RPE: variants seen among roughly 807,000 people sequenced by gnomAD.
The protein encoded by RPE is ribulose-5-phosphate-3-epimerase.
Under a neutral mutation model 24.6 loss-of-function variants are expected in RPE, and 16 were observed. The observed-to-expected ratio is 0.65, with a 90% CI of 0.44 to 0.99. The LOEUF (loss-of-function observed/expected upper bound fraction) is 0.99. Ranked by LOEUF, RPE falls within the 50% of genes least tolerant of loss-of-function variation. The pLI is 0.00. For missense variants in RPE, 240 were observed against 294.5 expected, an observed-to-expected ratio of 0.81 and a Z score of 1.35; for synonymous variants, 93 against 98.4, an observed-to-expected ratio of 0.94 and a Z score of 0.33.
rs2093838473 is a variant in RPE, at chr2:210,020,130, A to AT, written c.*343dup. ...CATATTAGCTACACTACAAAAACAA[A>AT]TTTTGTCTGTACTTCTGAAAAGAAT... On this transcript the variant is annotated 3_prime_UTR_variant, in exon 6 of 6. Transcript: ENST00000359429. 1 of 176,018 alleles carries AT rather than the reference A, an allele frequency of 5.7e-6. No individual in the cohort carries two copies. The highest frequency in any genetic ancestry group is 1.3e-5 in the Non-Finnish European group (1 of 74,504). The allele number at this position is 176,018 out of a possible 1,614,324, so 10.9% of individuals were successfully genotyped here.
In RPE at chr2:210,020,484, T is replaced by G. The variant is rs775587368; in HGVS notation, c.*693T>G. ...GAAAGGAAAAAGTAAAACCTCTGTT[T>G]GGAGGTAATATTGGGTTGAATTCTG... On this transcript the variant is annotated 3_prime_UTR_variant, in exon 6 of 6. Coordinates refer to ENST00000359429, the MANE Select transcript of RPE (RefSeq NM_199229.3). 1.2e-5 allele frequency: 2 copies of G among 166,932 alleles called. No individual in the cohort carries two copies. The highest frequency in any genetic ancestry group is 2.9e-5 in the Non-Finnish European group (2 of 68,088). 10.3% of individuals were successfully genotyped at this position (166,932 alleles called of 1,614,324 possible).
chr2:210,004,864 C>T (rs1237297163), intron 1 of RPE, among the ~76,000 whole-genome samples: 1 of 152,094 alleles, frequency 6.6e-6, no homozygotes, highest in East Asian at 1.9e-4. Context: ...TACCATGGAT[C>T]AGAGTTTTGG....
Position 210,020,992 on chromosome 2 carries a change from AG to A in RPE, c.*1202del, listed in dbSNP as rs1172844515. On this transcript the variant is annotated 3_prime_UTR_variant, in exon 6 of 6. Transcript: ENST00000359429. ...TCTAATTTTACGCTGTAGCAGAACC[AG>A]ATGGCTGAGAAAATTCTGGAACTAT... The A allele has an allele frequency of 6.6e-6, 1 of 152,270 alleles. No homozygotes were observed. The highest frequency in any genetic ancestry group is 1.9e-4 in the East Asian group (1 of 5,188). 9.4% of individuals were successfully genotyped at this position (152,270 alleles called of 1,614,324 possible). A position where few individuals can be genotyped will look rare whatever the true frequency, so the allele number is the denominator to read the frequency against.
chr2:210,017,520 T>A lies in RPE; in HGVS notation c.525T>A (p.Asp175Glu). The A allele has an allele frequency of 6.2e-7, 1 of 1,608,866 alleles. No individual in the cohort carries two copies. The stretch of plus-strand genomic sequence containing the variant: ...TCCCATCTTTGGATATAGAGGTCGA[T>A]GGTGGAGTAGGTCCTGACACTGTCC... ...TQFPSLDIEV[D>E]GGVGPDTVHK... The change falls in exon 5 of 6, where the codon GAT becomes GAA. Residue 175 changes from aspartate (D) to glutamate (E), a missense_variant. Coordinates refer to ENST00000359429, the MANE Select transcript of RPE (RefSeq NM_199229.3).
At chr2:210,018,002 C>G in intron 5 of RPE, 1 of 794,264 alleles carries the variant, frequency 1.3e-6, no homozygotes, top group Non-Finnish European at 1.9e-6. Context: ...GCCTCGGCCT[C>G]CCAAAGTGTT....
intron 2 of RPE, among the ~76,000 whole-genome samples, chr2:210,011,508 G>A (rs1375964135): frequency 2.0e-5 from 3 of 151,986 alleles, no homozygotes; most frequent in Non-Finnish European, 4.4e-5. Context: ...GCAATCCTGT[G>A]TTGCTGCCAC....
chr2:210,002,673 C>T lies in RPE; in HGVS notation c.12C>T (p.Gly4=), dbSNP rs1198060491. MAS[G]CKIGPSILNS... ...TGGGAGCCAGCGGTATGGCGTCGGG[C>T]TGCAAGATTGGCCCGTCCATCCTCA... The change falls in exon 1 of 6, where the codon GGC becomes GGT. Residue 4 remains glycine (G), a synonymous_variant. Coordinates refer to ENST00000359429, the MANE Select transcript of RPE (RefSeq NM_199229.3). The T allele has an allele frequency of 4.3e-6, 7 of 1,613,374 alleles. No individual in the cohort carries two copies. The highest frequency in any genetic ancestry group is 5.9e-6 in the Non-Finnish European group (7 of 1,179,522).
At chr2:210,016,997 C>T (rs529910002) in intron 4 of RPE, among the ~76,000 whole-genome samples, 1 of 152,230 alleles carries the variant, frequency 6.6e-6, no homozygotes, top group African/African-American at 2.4e-5. Context: ...GTGCATACCA[C>T]CATGCCCGGC....
Position 210,012,028 on chromosome 2 carries a change from T to G in RPE, c.202+2292T>G, listed in dbSNP as rs539475549. ...AAACATTTGTTTAATTCTTGGATTT[T>G]GGTTGTTGGATAATTGATACATGAA... On this transcript the variant is annotated intron_variant, in intron 2 of 5. Transcript: ENST00000359429. Among the ~76,000 whole-genome samples, 13 of 152,286 alleles carry G rather than the reference T, an allele frequency of 8.5e-5. No individual in the cohort carries two copies. In the South Asian group the frequency reaches 2.7e-3, roughly 32 times the overall value.
Position 210,017,736 on chromosome 2 carries a change from T to C in RPE, c.564+177T>C, listed in dbSNP as rs1005720761. The stretch of plus-strand genomic sequence containing the variant: ...TAAACAGCCATAAGTGGATATGCTT[T>C]TTTTTTTTTTTTTTTTTTTTCTTTT... On this transcript the variant is annotated intron_variant, in intron 5 of 5. Transcript: ENST00000359429. 2,535 of 552,096 alleles carry C rather than the reference T, an allele frequency of 4.6e-3. 14 individuals are homozygous for C. The highest frequency in any genetic ancestry group is 7.8e-3 in the East Asian group (233 of 29,896). 34.2% of individuals were successfully genotyped at this position (552,096 alleles called of 1,614,324 possible).
intron 1 of RPE, among the ~76,000 whole-genome samples, chr2:210,006,119 T>C (rs1232308078): frequency 1.3e-5 from 2 of 152,144 alleles, no homozygotes; most frequent in African/African-American, 2.4e-5. Flanking sequence ...AGGAAATAAC[T>C]TAAAGGAAAA....
At position 210,020,489 on chromosome 2, in the gene RPE, G is replaced by C. The variant is rs533919270; in HGVS notation, c.*698G>C. On this transcript the variant is annotated 3_prime_UTR_variant, in exon 6 of 6. Transcript: ENST00000359429. ...GAAAAAGTAAAACCTCTGTTTGGAGGTAATATTGGGTTGAATTCTGACTGC... is the reference window on the plus strand; with the variant it reads ...GAAAAAGTAAAACCTCTGTTTGGAGCTAATATTGGGTTGAATTCTGACTGC... 6.6e-5 allele frequency: 11 copies of C among 166,980 alleles called. No homozygotes were observed. Among genetic ancestry groups the C allele is most frequent in the Admixed American group, 5.2e-4 (8 of 15,306 alleles). 10.3% of individuals were successfully genotyped at this position (166,980 alleles called of 1,614,324 possible).
At chr2:210,008,142 T>C (rs1377616856) in intron 1 of RPE, among the ~76,000 whole-genome samples, 2 of 152,166 alleles carry the variant, frequency 1.3e-5, no homozygotes, top group Non-Finnish European at 2.9e-5. Context: ...CTGACAACTA[T>C]ACGATAGCAG....
rs2093610768 is a variant in RPE, at chr2:210,004,996, T to G, written c.122+2213T>G. The stretch of plus-strand genomic sequence containing the variant: ...CACAATTTTAAAATTATTTCCCTTT[T>G]AATCTTCTCTACTTTCTGAGTTAAG... On this transcript the variant is annotated intron_variant, in intron 1 of 5. Transcript: ENST00000359429. Among the ~76,000 whole-genome samples the G allele has an allele frequency of 5.9e-5, 9 of 152,362 alleles. No individual in the cohort carries two copies. In the South Asian group the frequency reaches 1.9e-3, roughly 32 times the overall value.
At position 210,019,667 on chromosome 2, in the gene RPE, AG is replaced by A; in HGVS notation, c.565del. On this transcript the variant is annotated splice_acceptor_variant, in intron 5 of 5. Coordinates refer to ENST00000359429, the MANE Select transcript of RPE (RefSeq NM_199229.3). LOFTEE classifies it high-confidence loss of function. ...CATAACCTAACTGTTTACTTCTTCC[AG>A]GCAGGAGCTAACATGATTGTGTCTG... 6.2e-7 allele frequency: 1 copy of A among 1,611,854 alleles called. No homozygotes were observed. Among genetic ancestry groups the A allele is most frequent in the Non-Finnish European group, 8.5e-7 (1 of 1,178,756 alleles).
intron 2 of RPE, among the ~76,000 whole-genome samples, chr2:210,015,140 T>G (rs1422586182): frequency 6.6e-6 from 1 of 152,220 alleles, no homozygotes; most frequent in Non-Finnish European, 1.5e-5. Flanking sequence ...GTCAAAATCC[T>G]TGATGCCATC....
chr2:210,004,355 TAACTC>T (rs1442322972), intron 1 of RPE, among the ~76,000 whole-genome samples: 1 of 152,246 alleles, frequency 6.6e-6, no homozygotes, highest in Non-Finnish European at 1.5e-5. Flanking sequence ...TTTTGTGAAT[TAACTC>T]AAACAACCGT....
chr2:210,013,210 AGATGT>A (rs1208165001), intron 2 of RPE, among the ~76,000 whole-genome samples: 1 of 152,226 alleles, frequency 6.6e-6, no homozygotes, highest in Non-Finnish European at 1.5e-5. Context: ...GATACAGAAC[AGATGT>A]GAGAATATAG....
chr2:210,016,269 C>A (rs969599661), intron 3 of RPE, 157 bp downstream of exon 3: 1 of 1,613,364 alleles, frequency 6.2e-7, no homozygotes, highest in Non-Finnish European at 8.5e-7. Flanking sequence ...TAAAGAATAC[C>A]TTACTTAAGC....
Sources: allele counts gnomAD v4.1 joint callset (sites outside exome capture counted in the v4.1 genomes callset), GRCh38; gene constraint gnomAD v4.1.1; transcripts MANE v1.5; gene names NCBI Gene and HGNC (gene_info 2026-07-23, HGNC 2026-07-21).